The following TNKS variants were observed in gnomAD, a reference collection of about 807,000 sequenced individuals.
The protein encoded by TNKS is poly [ADP-ribose] polymerase tankyrase-1.
Under a neutral mutation model 135.8 loss-of-function variants are expected in TNKS, and 72 were observed. The ratio of observed to expected loss-of-function variants is 0.53; its 90% CI spans 0.44 to 0.64. TNKS has a LOEUF of 0.64. Ranked by LOEUF, TNKS falls within the 30% of genes least tolerant of loss-of-function variation. TNKS has a pLI of 0.00. For synonymous variants in TNKS, 849 were observed against 649.3 expected (o/e 1.31, Z -4.68); for missense variants, 1,769 against 1,674.0 (o/e 1.06, Z -0.99).
chr8:9,720,988 A>T (rs1804847742), intron 12 of TNKS, among the ~76,000 whole-genome samples: 1 of 152,098 alleles, frequency 6.6e-6, no homozygotes, highest in South Asian at 2.1e-4. Context: ...TTCTGGCTTA[A>T]ATATAATTAT....
chr8:9,558,362 C>G (rs1163679487), intron 1 of TNKS: 1 of 152,132 alleles, frequency 6.6e-6, no homozygotes, highest in African/African-American at 2.4e-5. Context: ...TATTTGTTTG[C>G]TCAAGGGTCT....
intron 26 of TNKS, among the ~76,000 whole-genome samples, chr8:9,775,173 C>T (rs960100192): frequency 6.6e-6 from 1 of 152,050 alleles, no homozygotes; most frequent in African/African-American, 2.4e-5. Flanking sequence ...TTATACCCAA[C>T]TCTAGAATTA....
chr8:9,652,597 T>C (rs1220678598), intron 3 of TNKS, among the ~76,000 whole-genome samples: 1 of 152,222 alleles, frequency 6.6e-6, no homozygotes, highest in Admixed American at 6.5e-5. Flanking sequence ...TCTCAGCTTA[T>C]TTAAATATTA....
chr8:9,706,889 G>A lies in TNKS; in HGVS notation c.1348G>A (p.Val450Ile). The change falls in exon 8 of 27, where the codon GTC becomes ATC. Residue 450 changes from valine to isoleucine, a missense_variant. By Grantham distance (29) the Val-to-Ile change is conservative. Coordinates refer to ENST00000310430, the MANE Select transcript of TNKS (RefSeq NM_003747.3). ...GGCTGCTTCCAAGAACCGTGTAGAA[G>A]TCTGCTCTTTGTTACTTAGCCATGG... ...HEAASKNRVE[V>I]CSLLLSHGAD... 1 of 1,614,080 alleles carries A rather than the reference G, an allele frequency of 6.2e-7. No individual in the cohort carries two copies.
chr8:9,570,938 C>T (rs183411451), intron 1 of TNKS, among the ~76,000 whole-genome samples: 142 of 152,256 alleles, frequency 9.3e-4, no homozygotes, highest in African/African-American at 3.3e-3. Flanking sequence ...CACTGCACTC[C>T]AGCCTGGGCA....
In TNKS at chr8:9,738,858, GA is replaced by G. The variant is rs1417644529; in HGVS notation, c.2643+3379del. ...TTTGGAATAGGTGTGGTGTGGTGCT[GA>G]AAAAAATGTATATTCTGTTGATTTG... On this transcript the variant is annotated intron_variant, in intron 17 of 26. Coordinates refer to ENST00000310430, the MANE Select transcript of TNKS (RefSeq NM_003747.3). 3.7e-5 allele frequency among the ~76,000 whole-genome samples: 5 copies of G among 134,770 alleles called. No individual in the cohort carries two copies. In the Admixed American group the frequency reaches 3.8e-4, roughly 10 times the overall value. 88.4% of individuals were successfully genotyped at this position (134,770 alleles called of 152,430 possible).
intron 3 of TNKS, among the ~76,000 whole-genome samples, chr8:9,616,389 A>G (rs1799646897): frequency 6.6e-6 from 1 of 152,146 alleles, no homozygotes; most frequent in African/African-American, 2.4e-5. Context: ...TTTTATTCTT[A>G]GCATCTGAGT....
chr8:9,559,893 T>C (rs926728727), intron 1 of TNKS, among the ~76,000 whole-genome samples: 1 of 152,168 alleles, frequency 6.6e-6, no homozygotes, highest in African/African-American at 2.4e-5. Context: ...AATAATGGAA[T>C]CATCCTATCT....
Position 9,779,668 on chromosome 8 carries a change from A to G in TNKS, c.*2932A>G, listed in dbSNP as rs1018874900. 4 of 152,080 alleles carry G rather than the reference A, an allele frequency of 2.6e-5. No homozygotes were observed. Among genetic ancestry groups the G allele is most frequent in the African/African-American group, 7.2e-5 (3 of 41,406 alleles). 9.4% of individuals were successfully genotyped at this position (152,080 alleles called of 1,614,324 possible). ...CTTTGACTCCATTCATTTTCTCCTC[A>G]TCTTGGGTCTTAAAAAAGGAGACCA... On this transcript the variant is annotated 3_prime_UTR_variant, in exon 27 of 27. Transcript: ENST00000310430.
At chr8:9,736,662 C>G (rs1805721376) in intron 17 of TNKS, among the ~76,000 whole-genome samples, 1 of 113,442 alleles carries the variant, frequency 8.8e-6, no homozygotes, top group Non-Finnish European at 1.8e-5. Context: ...ATAGGGAATC[C>G]TTTCCCCATT....
At chr8:9,749,405 G>A (rs1806402023) in intron 18 of TNKS, among the ~76,000 whole-genome samples, 1 of 152,014 alleles carries the variant, frequency 6.6e-6, no homozygotes, top group South Asian at 2.1e-4. Flanking sequence ...TCCCTGATTA[G>A]GGCCCAGTTC....
intron 2 of TNKS, among the ~76,000 whole-genome samples, chr8:9,599,013 T>C (rs1486253163): frequency 6.6e-6 from 1 of 151,736 alleles, no homozygotes; most frequent in Non-Finnish European, 1.5e-5. Flanking sequence ...CATGTGGTCA[T>C]TGTCCCTTAG....
At chr8:9,710,998 G>A (rs1563183554) in intron 11 of TNKS, among the ~76,000 whole-genome samples, 1 of 152,096 alleles carries the variant, frequency 6.6e-6, no homozygotes, top group Non-Finnish European at 1.5e-5. Flanking sequence ...TTTCTGAATG[G>A]TGTAGTCTGA....
intron 26 of TNKS, among the ~76,000 whole-genome samples, chr8:9,771,372 GAGGGAGGGAAAGAGAGAA>G (rs1807844906): frequency 1.0e-5 from 1 of 99,148 alleles, no homozygotes; most frequent in African/African-American, 3.2e-5. Flanking sequence ...GAGAGGAAGG[GAGGGAGGGAAAGAGAGAA>G]AGGGAGGGAA....
intron 3 of TNKS, among the ~76,000 whole-genome samples, chr8:9,665,003 C>T (rs1456659009): frequency 6.6e-6 from 1 of 152,206 alleles, no homozygotes; most frequent in Non-Finnish European, 1.5e-5. Flanking sequence ...TTTGGAACTA[C>T]ATCGTATAAG....
At chr8:9,687,844 A>G (rs1307899528) in intron 5 of TNKS, among the ~76,000 whole-genome samples, 2 of 152,230 alleles carry the variant, frequency 1.3e-5, no homozygotes, top group African/African-American at 2.4e-5. Flanking sequence ...TTAGAAGCCA[A>G]ATTACAAATA....
chr8:9,690,889 C>G (rs761707616), intron 5 of TNKS, among the ~76,000 whole-genome samples: 1 of 152,224 alleles, frequency 6.6e-6, no homozygotes, highest in African/African-American at 2.4e-5. Flanking sequence ...TTCATGTAAT[C>G]TATCTAGGAT....
At position 9,720,565 on chromosome 8, in the gene TNKS, C is replaced by T; in HGVS notation, c.1921+20C>T. On this transcript the variant is annotated intron_variant, in intron 12 of 26. Transcript: ENST00000310430. ...TGAGTGGTGAGTTAAAATAGACCAA[C>T]AGGGCATTTTATGTTTTCTCTTCCA... 5 of 1,590,348 alleles carry T rather than the reference C, an allele frequency of 3.1e-6. No homozygotes were observed. Among genetic ancestry groups the T allele is most frequent in the Non-Finnish European group, 4.3e-6 (5 of 1,167,914 alleles).
At chr8:9,563,954 C>G (rs373216734) in intron 1 of TNKS, among the ~76,000 whole-genome samples, 1 of 152,154 alleles carries the variant, frequency 6.6e-6, no homozygotes, top group Admixed American at 6.5e-5. Flanking sequence ...AAGGTAATCC[C>G]CCCTGTCCCT....
Sources: gnomAD v4.1 joint callset for allele counts (sites outside exome capture counted in the v4.1 genomes callset) on GRCh38, gnomAD v4.1.1 for gene constraint, MANE v1.5 for transcripts, NCBI Gene and HGNC (gene_info 2026-07-23, HGNC 2026-07-21) for gene names.